The following RYR2 variants were observed in gnomAD, a reference collection of about 807,000 sequenced individuals.
RYR2 encodes the protein ryanodine receptor 2.
RYR2 carries 227 observed loss-of-function variants against 601.1 expected under a neutral mutation model. The observed-to-expected ratio is 0.38, with a 90% CI of 0.34 to 0.42. RYR2 has a LOEUF of 0.42. Among genes scored for constraint, RYR2 ranks in the 10% least tolerant of loss-of-function variants. The pLI is 1.00. For missense variants in RYR2, 4,646 were observed against 6,156.5 expected, an observed-to-expected ratio of 0.75 and a Z score of 8.21; for synonymous variants, 2,223 against 2,175.1, an observed-to-expected ratio of 1.02 and a Z score of -0.61.
At chr1:237,411,362 A>T (rs1442789008) in intron 10 of RYR2, among the ~76,000 whole-genome samples, 3 of 152,162 alleles carry the variant, frequency 2.0e-5, no homozygotes, top group East Asian at 3.9e-4. Flanking sequence ...ATTTATGATG[A>T]AGCTATTAAT....
chr1:237,829,493 G>T lies in RYR2; in HGVS notation c.14656-1037G>T, dbSNP rs540950499. Among the ~76,000 whole-genome samples, 5 of 152,304 alleles carry T rather than the reference G, an allele frequency of 3.3e-5. No homozygotes were observed. In the East Asian group the frequency reaches 9.7e-4, roughly 29 times the overall value. On this transcript the variant is annotated intron_variant, in intron 102 of 104. Transcript: ENST00000366574. The stretch of plus-strand genomic sequence containing the variant: ...GGCATTAGCCACCAGATGGATGGTG[G>T]CATAGTTAGCTGACCTAGGGAACCC...
At chr1:237,786,072 A>G (rs1473507411) in intron 91 of RYR2, 36 bp downstream of exon 91, 2 of 1,316,382 alleles carry the variant, frequency 1.5e-6, no homozygotes, top group Non-Finnish European at 2.1e-6. Context: ...CCTTCGTTTC[A>G]GTTTGTCATT....
At chr1:237,641,054 C>T in intron 47 of RYR2, 52 bp downstream of exon 47, 2 of 1,320,178 alleles carry the variant, frequency 1.5e-6, no homozygotes, top group Non-Finnish European at 1.1e-6. Context: ...TGTGTTAAGA[C>T]ATCTATAGCT....
chr1:237,708,150 T>C (rs2149063524), intron 68 of RYR2, among the ~76,000 whole-genome samples: 1 of 152,160 alleles, frequency 6.6e-6, no homozygotes, highest in East Asian at 1.9e-4. Context: ...AAGGGAAAAA[T>C]GGAGAATTTT....
At chr1:237,479,311 T>G (rs1175945805) in intron 17 of RYR2, among the ~76,000 whole-genome samples, 2 of 152,216 alleles carry the variant, frequency 1.3e-5, no homozygotes, top group African/African-American at 4.8e-5. Flanking sequence ...AATTGTGCTT[T>G]TTGTCAATGT....
intron 1 of RYR2, among the ~76,000 whole-genome samples, chr1:237,269,019 C>T (rs1259960311): frequency 2.1e-5 from 3 of 146,264 alleles, no homozygotes; most frequent in Non-Finnish European, 4.5e-5. Flanking sequence ...AGAGTGGCAC[C>T]TTTCCAATTT....
intron 2 of RYR2, among the ~76,000 whole-genome samples, chr1:237,322,889 AAG>A (rs1023314692): frequency 2.6e-5 from 4 of 151,316 alleles, no homozygotes; most frequent in Non-Finnish European, 4.4e-5. Context: ...TTTTTGAGGA[AAG>A]AGTGAAAATG....
intron 84 of RYR2, among the ~76,000 whole-genome samples, chr1:237,768,961 T>C (rs1047404731): frequency 1.3e-5 from 2 of 152,202 alleles, no homozygotes; most frequent in Non-Finnish European, 2.9e-5. Flanking sequence ...AAATACTGTG[T>C]GTGTCGACAA....
At chr1:237,604,582 T>C (rs1439587031) in intron 35 of RYR2, among the ~76,000 whole-genome samples, 1 of 151,996 alleles carries the variant, frequency 6.6e-6, no homozygotes, top group African/African-American at 2.4e-5. Context: ...CGAGCAGAAC[T>C]GAAGGAGATA....
intron 1 of RYR2, among the ~76,000 whole-genome samples, chr1:237,208,925 A>C (rs1682125254): frequency 1.2e-5 from 1 of 81,020 alleles, no homozygotes. Flanking sequence ...TGTACAACCA[A>C]ATGTGTGTGT....
rs752055886 is a variant in RYR2, at chr1:237,798,003, G to A, written c.13957-34G>A. On this transcript the variant is annotated intron_variant, in intron 96 of 104. Transcript: ENST00000366574. Reference sequence around the variant, plus strand: ...ATATAGATGATGTTACTTAATGGTTGAAGCCAACAAAATGCTTTTTCTCAT... The same window carrying A: ...ATATAGATGATGTTACTTAATGGTTAAAGCCAACAAAATGCTTTTTCTCAT... 4.1e-5 allele frequency: 65 copies of A among 1,588,226 alleles called. No homozygotes were observed. In the South Asian group the frequency reaches 4.5e-4, roughly 11 times the overall value.
intron 29 of RYR2, among the ~76,000 whole-genome samples, chr1:237,572,405 G>A (rs534645230): frequency 2.0e-5 from 3 of 152,128 alleles, no homozygotes; most frequent in African/African-American, 7.2e-5. Flanking sequence ...ATGCTCATCC[G>A]TACTATTTAA....
intron 1 of RYR2, among the ~76,000 whole-genome samples, chr1:237,059,955 T>G (rs1225135268): frequency 6.6e-6 from 1 of 152,172 alleles, no homozygotes; most frequent in African/African-American, 2.4e-5. Context: ...TCTTCTTCAT[T>G]TGTGTTTTAA....
intron 10 of RYR2, among the ~76,000 whole-genome samples, chr1:237,398,901 C>T (rs1036727485): frequency 2.0e-5 from 3 of 152,116 alleles, no homozygotes; most frequent in African/African-American, 7.2e-5. Context: ...TATTGAAACG[C>T]ACAACCACCT....
chr1:237,339,866 G>T (rs1697601887), intron 3 of RYR2, among the ~76,000 whole-genome samples: 1 of 152,140 alleles, frequency 6.6e-6, no homozygotes, highest in Admixed American at 6.6e-5. Flanking sequence ...ACTTTCCCCA[G>T]GAATTCCCTG....
intron 86 of RYR2, 40 bp from the exon 87 acceptor site, chr1:237,773,480 A>C: frequency 6.8e-7 from 1 of 1,479,708 alleles, no homozygotes; most frequent in Non-Finnish European, 9.4e-7. Flanking sequence ...TAACTTTAGA[A>C]TGTGACTTGA....
In RYR2 at chr1:237,828,380, G is replaced by T; in HGVS notation, c.14591-1G>T. 1 of 1,550,384 alleles carries T rather than the reference G, an allele frequency of 6.5e-7. No individual in the cohort carries two copies. The highest frequency in any genetic ancestry group is 2.4e-5 in the East Asian group (1 of 42,250). On this transcript the variant is annotated splice_acceptor_variant, in intron 101 of 104. Coordinates refer to ENST00000366574, the MANE Select transcript of RYR2 (RefSeq NM_001035.3). LOFTEE classifies it high-confidence loss of function. Reference sequence around the variant, plus strand: ...TAAATTGTGTTTTTATTTAACACCAGGTCTAATTATTGATGCTTTTGGAGA... The same window carrying T: ...TAAATTGTGTTTTTATTTAACACCATGTCTAATTATTGATGCTTTTGGAGA...
chr1:237,724,655 CAA>C (rs953245960), intron 74 of RYR2, among the ~76,000 whole-genome samples: 80 of 151,932 alleles, frequency 5.3e-4, no homozygotes, highest in African/African-American at 1.9e-3. Flanking sequence ...CAGCAGATGA[CAA>C]GACTTGTCAT....
intron 24 of RYR2, among the ~76,000 whole-genome samples, chr1:237,519,503 C>A (rs1270920643): frequency 6.6e-6 from 1 of 152,170 alleles, no homozygotes. Context: ...ATATGGCCAT[C>A]CAGTTTTCCC....
Sources: allele counts gnomAD v4.1 joint callset (sites outside exome capture counted in the v4.1 genomes callset), GRCh38; gene constraint gnomAD v4.1.1; transcripts MANE v1.5; gene names NCBI Gene and HGNC (gene_info 2026-07-23, HGNC 2026-07-21).